KCNIP4: variants seen among roughly 807,000 people sequenced by gnomAD.
The protein encoded by KCNIP4 is Kv channel-interacting protein 4.
A neutral mutation model predicts 34.0 loss-of-function variants in KCNIP4; 12 were observed. The observed-to-expected ratio is 0.35, with a 90% CI of 0.23 to 0.57. The LOEUF (loss-of-function observed/expected upper bound fraction) is 0.57, where lower values mean the gene tolerates loss of function less well. KCNIP4 is among the 20% of genes least tolerant of loss of function. KCNIP4 has a pLI of 0.83. For missense variants in KCNIP4, 238 were observed against 311.7 expected (o/e 0.76, Z 1.78); for synonymous variants, 124 against 102.2 (o/e 1.21, Z -1.29).
intron 3 of KCNIP4, among the ~76,000 whole-genome samples, chr4:20,782,702 C>T (rs996372455): frequency 5.9e-5 from 9 of 152,134 alleles, no homozygotes; most frequent in African/African-American, 2.2e-4. Context: ...TCCTATACCT[C>T]TGAGTCTGTG....
At position 21,556,928 on chromosome 4, in the gene KCNIP4, A is replaced by AC. The variant is rs1560514202; in HGVS notation, c.61+391642_61+391643insG. Among the ~76,000 whole-genome samples the AC allele has an allele frequency of 3.3e-4, 49 of 149,002 alleles. 4 individuals are homozygous for AC. Among genetic ancestry groups the AC allele is most frequent in the African/African-American group, 2.7e-4 (11 of 40,500 alleles). ...AAAGCAAGACTCCATCTCAGAAAAA[A>AC]AAAAAAAAAAAAAAACCAGAAAACA... On this transcript the variant is annotated intron_variant, in intron 1 of 8. Coordinates refer to ENST00000382152, the MANE Select transcript of KCNIP4 (RefSeq NM_025221.6).
At chr4:21,064,272 G>T (rs1389610481) in intron 1 of KCNIP4, among the ~76,000 whole-genome samples, 2 of 151,938 alleles carry the variant, frequency 1.3e-5, no homozygotes, top group African/African-American at 4.8e-5. Context: ...TTTGGAAAAA[G>T]AAATGTCTCT....
intron 1 of KCNIP4, among the ~76,000 whole-genome samples, chr4:21,840,782 C>T (rs528758384): frequency 8.5e-5 from 13 of 152,278 alleles, no homozygotes; most frequent in Admixed American, 8.5e-4. Flanking sequence ...CTTGAAGACA[C>T]TATGTATTAA....
chr4:21,940,980 T>C (rs1453415921), intron 1 of KCNIP4, among the ~76,000 whole-genome samples: 2 of 152,160 alleles, frequency 1.3e-5, no homozygotes, highest in South Asian at 2.1e-4. Context: ...CTTTTATTCA[T>C]GGAGTGAATT....
At chr4:21,939,623 G>A (rs1730082619) in intron 1 of KCNIP4, among the ~76,000 whole-genome samples, 1 of 152,096 alleles carries the variant, frequency 6.6e-6, no homozygotes, top group Non-Finnish European at 1.5e-5. Context: ...CAGAGTATGT[G>A]CCAACTCTCT....
chr4:21,512,364 T>C (rs886737650), intron 1 of KCNIP4, among the ~76,000 whole-genome samples: 1 of 152,196 alleles, frequency 6.6e-6, no homozygotes, highest in Admixed American at 6.5e-5. Flanking sequence ...TAATTTGTAA[T>C]GACTTCACCT....
intron 1 of KCNIP4, among the ~76,000 whole-genome samples, chr4:20,945,399 A>G (rs1056541095): frequency 1.3e-5 from 2 of 152,180 alleles, no homozygotes; most frequent in African/African-American, 2.4e-5. Context: ...ATTTAGCCCT[A>G]TCTTGAAATC....
intron 1 of KCNIP4, among the ~76,000 whole-genome samples, chr4:21,450,613 G>T (rs1728441255): frequency 6.6e-6 from 1 of 152,076 alleles, no homozygotes; most frequent in Non-Finnish European, 1.5e-5. Flanking sequence ...AGCAACAGCA[G>T]CATTTTAAAG....
chr4:21,612,939 CTTAGTTT>C (rs1169621472), intron 1 of KCNIP4, among the ~76,000 whole-genome samples: 1 of 152,208 alleles, frequency 6.6e-6, no homozygotes, highest in East Asian at 1.9e-4. Flanking sequence ...TAATATCATT[CTTAGTTT>C]TAATAGATGT....
chr4:21,409,285 A>T (rs2109582371), intron 1 of KCNIP4, among the ~76,000 whole-genome samples: 1 of 151,860 alleles, frequency 6.6e-6, no homozygotes, highest in South Asian at 2.1e-4. Context: ...TAAAAAAAAA[A>T]AACTTCTATT....
intron 1 of KCNIP4, among the ~76,000 whole-genome samples, chr4:21,078,028 G>A (rs1355691560): frequency 1.3e-5 from 2 of 152,052 alleles, no homozygotes; most frequent in African/African-American, 2.4e-5. Flanking sequence ...AAGGTGGCTT[G>A]GGCACATTTA....
At chr4:21,779,470 T>C (rs1474983782) in intron 1 of KCNIP4, among the ~76,000 whole-genome samples, 2 of 152,216 alleles carry the variant, frequency 1.3e-5, no homozygotes, top group Non-Finnish European at 2.9e-5. Context: ...TGTAACGTAT[T>C]GGATGTGTTA....
At chr4:21,542,701 A>C (rs1034899711) in intron 1 of KCNIP4, among the ~76,000 whole-genome samples, 2 of 150,372 alleles carry the variant, frequency 1.3e-5, no homozygotes, top group Non-Finnish European at 3.0e-5. Context: ...TATATATAAA[A>C]ATATATATAT....
intron 1 of KCNIP4, among the ~76,000 whole-genome samples, chr4:20,955,753 C>T (rs1454877455): frequency 6.6e-6 from 1 of 152,116 alleles, no homozygotes; most frequent in Non-Finnish European, 1.5e-5. Context: ...TTTAGGTATT[C>T]CAATTTCATT....
chr4:21,113,229 A>G (rs982059318), intron 1 of KCNIP4, among the ~76,000 whole-genome samples: 1 of 152,204 alleles, frequency 6.6e-6, no homozygotes, highest in African/African-American at 2.4e-5. Flanking sequence ...CAGGACTGCC[A>G]AGAAACAAGT....
chr4:21,397,674 A>T (rs563328841), intron 1 of KCNIP4, among the ~76,000 whole-genome samples: 1 of 152,340 alleles, frequency 6.6e-6, no homozygotes, highest in South Asian at 2.1e-4. Flanking sequence ...CTTCTGCCTG[A>T]TCCAATGATC....
At position 21,784,115 on chromosome 4, in the gene KCNIP4, G is replaced by A. The variant is rs950505476; in HGVS notation, c.61+164456C>T. ...CATGGCAGAAGGCAAAGGAGAAGCA[G>A]GCACCTTCTTCACAAGGCGGTGGGG... On this transcript the variant is annotated intron_variant, in intron 1 of 8. Transcript: ENST00000382152. 4.0e-5 allele frequency among the ~76,000 whole-genome samples: 6 copies of A among 150,964 alleles called. No individual in the cohort carries two copies. The Admixed American group carries it at 4.0e-4, about 10-fold the overall frequency.
chr4:21,781,248 C>T (rs1275463150), intron 1 of KCNIP4, among the ~76,000 whole-genome samples: 3 of 152,108 alleles, frequency 2.0e-5, no homozygotes, highest in Non-Finnish European at 2.9e-5. Context: ...TTGTACTTCT[C>T]TCTCCTAAAG....
At chr4:21,611,133 A>G (rs893388154) in intron 1 of KCNIP4, among the ~76,000 whole-genome samples, 2 of 152,084 alleles carry the variant, frequency 1.3e-5, no homozygotes, top group Admixed American at 1.3e-4. Flanking sequence ...CCATGTCCCT[A>G]CAAAGGACAT....
Sources: allele counts gnomAD v4.1 joint callset (sites outside exome capture counted in the v4.1 genomes callset), GRCh38; gene constraint gnomAD v4.1.1; transcripts MANE v1.5; gene names NCBI Gene and HGNC (gene_info 2026-07-23, HGNC 2026-07-21).